Variants in COL14A1 observed in about 807,000 individuals in gnomAD.
COL14A1 encodes collagen type XIV alpha 1 chain, also known as collagen alpha-1(XIV) chain.
In COL14A1, 136 loss-of-function variants were observed where a neutral mutation model predicts 230.3. The observed-to-expected ratio is 0.59, with a 90% CI of 0.51 to 0.68. COL14A1 has a LOEUF of 0.68. COL14A1 is among the 30% of genes least tolerant of loss of function. COL14A1 has a pLI of 0.00. For missense variants in COL14A1, 1,976 were observed against 2,215.8 expected, an observed-to-expected ratio of 0.89 and a Z score of 2.17; for synonymous variants, 792 against 784.1, an observed-to-expected ratio of 1.01 and a Z score of -0.17.
chr8:120,359,718 G>GT (rs1823123644), intron 45 of COL14A1, among the ~76,000 whole-genome samples: 2 of 152,210 alleles, frequency 1.3e-5, no homozygotes, highest in African/African-American at 4.8e-5. Flanking sequence ...TGAGGTCATA[G>GT]TGTCAGCGGC....
intron 1 of COL14A1, among the ~76,000 whole-genome samples, chr8:120,127,397 G>T (rs1332320852): frequency 6.6e-6 from 1 of 152,146 alleles, no homozygotes; most frequent in East Asian, 1.9e-4. Flanking sequence ...TAATTCCCTG[G>T]GAAGTATTCC....
intron 45 of COL14A1, among the ~76,000 whole-genome samples, chr8:120,357,203 C>T (rs939816765): frequency 6.6e-5 from 10 of 152,080 alleles, no homozygotes; most frequent in Admixed American, 1.3e-4. Flanking sequence ...AAGTTGCAGT[C>T]AATATGTCAT....
chr8:120,205,235 G>C (rs1817390248), intron 9 of COL14A1, among the ~76,000 whole-genome samples: 1 of 152,056 alleles, frequency 6.6e-6, no homozygotes, highest in Non-Finnish European at 1.5e-5. Context: ...TTTTTAGTCT[G>C]TATCTGTTGG....
At chr8:120,143,665 T>C (rs1381640987) in intron 1 of COL14A1, among the ~76,000 whole-genome samples, 1 of 151,968 alleles carries the variant, frequency 6.6e-6, no homozygotes, top group Non-Finnish European at 1.5e-5. Context: ...AAACTTGGGA[T>C]TTAAATAAAC....
intron 45 of COL14A1, among the ~76,000 whole-genome samples, chr8:120,346,492 G>A (rs1563750116): frequency 6.6e-6 from 1 of 152,200 alleles, no homozygotes; most frequent in Non-Finnish European, 1.5e-5. Context: ...TTTGTGGGAT[G>A]GGTAGGATAT....
At chr8:120,276,954 A>G (rs1385772120) in intron 26 of COL14A1, among the ~76,000 whole-genome samples, 2 of 152,102 alleles carry the variant, frequency 1.3e-5, no homozygotes, top group Non-Finnish European at 2.9e-5. Context: ...AAAAATGGTG[A>G]CATGTCCAGT....
chr8:120,331,927 C>A (rs553913489), intron 40 of COL14A1, among the ~76,000 whole-genome samples: 22 of 152,300 alleles, frequency 1.4e-4, no homozygotes, highest in African/African-American at 4.8e-4. Flanking sequence ...ATTTCTTACG[C>A]CTAAAATTTT....
At chr8:120,189,461 T>A (rs7814963) in intron 5 of COL14A1, among the ~76,000 whole-genome samples, 36,257 of 151,648 alleles carry the variant, frequency 0.24, 4,577 homozygotes, top group African/African-American at 0.31. Flanking sequence ...TCTTTTTTTT[T>A]AATTAAAATT....
At chr8:120,279,828 G>T in intron 28 of COL14A1, 107 bp from the exon 29 acceptor site, 1 of 1,206,298 alleles carries the variant, frequency 8.3e-7, no homozygotes, top group Non-Finnish European at 1.1e-6. Context: ...ACCCCCATGG[G>T]CCTTCCTAAA....
intron 10 of COL14A1, 124 bp downstream of exon 10, chr8:120,207,218 T>A: frequency 1.2e-6 from 1 of 866,828 alleles, no homozygotes; most frequent in East Asian, 2.9e-5. Flanking sequence ...AGAATTTGAC[T>A]GAAATACATT....
chr8:120,124,803 GGCCTGGTTTGGGA>G (rs879647154), upstream of COL14A1, among the ~76,000 whole-genome samples: 1 of 152,218 alleles, frequency 6.6e-6, no homozygotes, highest in Non-Finnish European at 1.5e-5. Flanking sequence ...GAGAGCAGGG[GGCCTGGTTTGGGA>G]GCTTGCAGTA....
intron 40 of COL14A1, among the ~76,000 whole-genome samples, chr8:120,317,461 A>G (rs1223242042): frequency 6.6e-6 from 1 of 152,198 alleles, no homozygotes; most frequent in Non-Finnish European, 1.5e-5. Context: ...TGAAGAAGGC[A>G]TTCTGTAACA....
rs1820318140 is a variant in COL14A1, at chr8:120,289,826, AC to A, written c.4236+61del. 2.6e-6 allele frequency: 4 copies of A among 1,515,406 alleles called. No individual in the cohort carries two copies. The Admixed American group carries it at 8.3e-5, about 31-fold the overall frequency. 93.9% of individuals were successfully genotyped at this position (1,515,406 alleles called of 1,614,324 possible). A position where few individuals can be genotyped will look rare whatever the true frequency, so the allele number is the denominator to read the frequency against. ...TAAGGGAGAGAAATTATTTTAAAGT[AC>A]ATTAGCTATTTTCCAGGGGAAAGGT... On this transcript the variant is annotated intron_variant, in intron 34 of 47. Coordinates refer to ENST00000297848, the MANE Select transcript of COL14A1 (RefSeq NM_021110.4).
At chr8:120,295,317 G>A (rs891434832) in intron 34 of COL14A1, among the ~76,000 whole-genome samples, 2 of 151,886 alleles carry the variant, frequency 1.3e-5, no homozygotes, top group South Asian at 2.1e-4. Context: ...ACAAGAAAAT[G>A]GGGCATGCCA....
At chr8:120,221,409 A>G (rs1817929426) in intron 14 of COL14A1, among the ~76,000 whole-genome samples, 1 of 152,216 alleles carries the variant, frequency 6.6e-6, no homozygotes, top group Non-Finnish European at 1.5e-5. Flanking sequence ...CGTTTAAAAC[A>G]TGATATTTTA....
At chr8:120,128,932 A>G (rs1814438794) in intron 1 of COL14A1, among the ~76,000 whole-genome samples, 1 of 152,098 alleles carries the variant, frequency 6.6e-6, no homozygotes, top group Non-Finnish European at 1.5e-5. Context: ...GTGTGTCTTT[A>G]TCTAGGAGCA....
chr8:120,131,367 T>C (rs1481982076), intron 1 of COL14A1, among the ~76,000 whole-genome samples: 1 of 50,622 alleles, frequency 2.0e-5, no homozygotes, highest in Non-Finnish European at 3.3e-5. Context: ...TCTGCAAATC[T>C]GTTTTTTTTT....
At chr8:120,220,839 G>C (rs1193587393) in intron 14 of COL14A1, among the ~76,000 whole-genome samples, 2 of 152,160 alleles carry the variant, frequency 1.3e-5, no homozygotes, top group Non-Finnish European at 2.9e-5. Flanking sequence ...TAATGATAAT[G>C]ATGGTGATGA....
intron 34 of COL14A1, among the ~76,000 whole-genome samples, chr8:120,295,110 T>A (rs891225584): frequency 6.6e-6 from 1 of 152,006 alleles, no homozygotes; most frequent in South Asian, 2.1e-4. Flanking sequence ...GAAAATGTTT[T>A]TGCTCTGAGG....
Sources: allele counts gnomAD v4.1 joint callset (sites outside exome capture counted in the v4.1 genomes callset), GRCh38; gene constraint gnomAD v4.1.1; transcripts MANE v1.5; gene names NCBI Gene and HGNC (gene_info 2026-07-23, HGNC 2026-07-21).